Variants in DHRS2 observed in about 807,000 individuals in gnomAD.
DHRS2 encodes dehydrogenase/reductase SDR family member 2, mitochondrial.
A neutral mutation model predicts 26.3 loss-of-function variants in DHRS2; 29 were observed. The ratio of observed to expected loss-of-function variants is 1.10; its 90% confidence interval spans 0.82 to 1.50. DHRS2 has a LOEUF of 1.50. Among genes scored for constraint, DHRS2 ranks in the 40% most tolerant of loss-of-function variants. The pLI is 0.00. For synonymous variants in DHRS2, 164 were observed against 151.3 expected, an observed-to-expected ratio of 1.08 and a Z score of -0.62; for missense variants, 439 against 367.1, an observed-to-expected ratio of 1.20 and a Z score of -1.60.
chr14:23,641,676 GTGGTACCCACTTCTGACATC>G, intron 4 of DHRS2: 3 of 1,289,808 alleles, frequency 2.3e-6, no homozygotes, highest in Non-Finnish European at 3.0e-6. Flanking sequence ...GGACCTCAGG[GTGGTACCCACTTCTGACATC>G]TGGACCACTT....
intron 4 of DHRS2, 137 bp downstream of exon 4, chr14:23,640,032 C>T (rs1890573232): frequency 2.5e-6 from 2 of 815,294 alleles, no homozygotes; most frequent in Non-Finnish European, 1.7e-6. Context: ...GTAGTCCTGC[C>T]TGGCCAGCTG....
At chr14:23,638,068 C>T (rs1890426845) in intron 1 of DHRS2, 1 of 152,422 alleles carries the variant, frequency 6.6e-6, no homozygotes, top group East Asian at 1.9e-4. Context: ...CCTTTAAGAG[C>T]TGTAACACTC....
At chr14:23,639,736 C>T in intron 3 of DHRS2, 58 bp from the exon 4 acceptor site, 2 of 1,516,724 alleles carry the variant, frequency 1.3e-6, no homozygotes. Context: ...CTGGGCTGCC[C>T]TGGGAGGGAT....
At chr14:23,630,413 T>C (rs915551670) in intron 1 of DHRS2, among the ~76,000 whole-genome samples, 4 of 152,244 alleles carry the variant, frequency 2.6e-5, no homozygotes, top group African/African-American at 9.6e-5. Context: ...GCTCAGTCTA[T>C]TTCTTCTTTG....
upstream of DHRS2, among the ~76,000 whole-genome samples, chr14:23,636,174 CTG>C (rs1297596227): frequency 2.0e-5 from 3 of 152,138 alleles, no homozygotes; most frequent in Non-Finnish European, 2.9e-5. Flanking sequence ...AATCAGCACT[CTG>C]TGTCTAGCTA....
At chr14:23,639,555 C>T (rs1890537831) in intron 3 of DHRS2, among the ~76,000 whole-genome samples, 199 bp downstream of exon 3, 1 of 152,130 alleles carries the variant, frequency 6.6e-6, no homozygotes, top group Non-Finnish European at 1.5e-5. Context: ...CACCCCCAGG[C>T]CCGGGGAGAA....
At chr14:23,641,564 G>A in intron 4 of DHRS2, 1 of 1,270,096 alleles carries the variant, frequency 7.9e-7, no homozygotes, top group East Asian at 5.6e-5. Context: ...CACTCAGCCT[G>A]ATGCACATGG....
At chr14:23,644,750 C>T in intron 7 of DHRS2, 77 bp from the exon 8 acceptor site, 2 of 1,553,794 alleles carry the variant, frequency 1.3e-6, no homozygotes, top group South Asian at 1.1e-5. Context: ...CCTAGGTGTT[C>T]TGCCTGGTGG....
rs933216908 is a variant in DHRS2 at position 23,639,435 on chromosome 14, G to A, written c.318+79G>A. The A allele has an allele frequency of 5.5e-6, 8 of 1,463,502 alleles. No homozygotes were observed. The Admixed American group carries it at 1.6e-4, about 30-fold the overall frequency. 90.7% of individuals were successfully genotyped at this position (1,463,502 alleles called of 1,614,324 possible). On this transcript the variant is annotated intron_variant, in intron 3 of 8. Coordinates refer to ENST00000250383, the MANE Select transcript of DHRS2 (RefSeq NM_005794.4). ...CTTCACTGCTTGGCCCTTGTGGGGTGGGTCTAGAATATGTCCTGAGACCAT... is the reference window on the plus strand; with the variant it reads ...CTTCACTGCTTGGCCCTTGTGGGGTAGGTCTAGAATATGTCCTGAGACCAT...
At chr14:23,640,174 C>T (rs1291102370) in intron 4 of DHRS2, 4 of 836,532 alleles carry the variant, frequency 4.8e-6, no homozygotes, top group Non-Finnish European at 6.0e-6. Context: ...TTGCTGTCTG[C>T]CAGGCACCAC....
At chr14:23,641,691 G>A (rs1890678215) in intron 4 of DHRS2, 1 of 1,289,822 alleles carries the variant, frequency 7.8e-7, no homozygotes, top group South Asian at 1.2e-5. Flanking sequence ...ACCCACTTCT[G>A]ACATCTGGAC....
intron 4 of DHRS2, chr14:23,641,497 C>G (rs1200885707): frequency 1.2e-6 from 1 of 829,050 alleles, no homozygotes; most frequent in Non-Finnish European, 1.6e-6. Flanking sequence ...GGAGTCTCAC[C>G]TTTTCTTTGG....
rs1354084558 is a variant in DHRS2, at chr14:23,638,582, C to A, written c.-38-245C>A. On this transcript the variant is annotated intron_variant, in intron 1 of 8. Coordinates refer to ENST00000250383, the MANE Select transcript of DHRS2 (RefSeq NM_005794.4). ...GCTATGCAATGGATGGAAAAATCAC[C>A]CTTGTCTAATGAATGTTGAGTCTCA... 3 of 369,202 alleles carry A rather than the reference C, an allele frequency of 8.1e-6. No homozygotes were observed. In the South Asian group the frequency reaches 9.1e-5, roughly 11 times the overall value. The allele number at this position is 369,202 out of a possible 1,614,324, so 22.9% of individuals were successfully genotyped here.
rs1374983481 is a variant in DHRS2, at chr14:23,641,655, C to T, written c.421-1497C>T. 3 of 1,289,700 alleles carry T rather than the reference C, an allele frequency of 2.3e-6. No homozygotes were observed. The African/African-American group carries it at 4.6e-5, about 20-fold the overall frequency. The allele number at this position is 1,289,700 out of a possible 1,614,324, so 79.9% of individuals were successfully genotyped here. On this transcript the variant is annotated intron_variant, in intron 4 of 8. Transcript: ENST00000250383. ...TTACAGCTAACCTAATCCTCAATTC[C>T]TTCTTATTAGGGACCTCAGGGTGGT...
At chr14:23,644,797 C>A (rs146185533) in intron 7 of DHRS2, 30 bp from the exon 8 acceptor site, 1 of 1,613,252 alleles carries the variant, frequency 6.2e-7, no homozygotes, top group African/African-American at 1.3e-5. Flanking sequence ...TTTAGTAGCA[C>A]TGACTCCTTC....
chr14:23,640,005 G>A, intron 4 of DHRS2, 110 bp downstream of exon 4: 2 of 1,001,418 alleles, frequency 2.0e-6, no homozygotes, highest in Non-Finnish European at 1.3e-6. Context: ...GGTTATGGGA[G>A]AAGCAGGCCC....
At chr14:23,638,677 G>T in intron 1 of DHRS2, 150 bp from the exon 2 acceptor site, 1 of 707,134 alleles carries the variant, frequency 1.4e-6, no homozygotes, top group Non-Finnish European at 2.3e-6. Flanking sequence ...TTCCTGACCT[G>T]AGGTTCACAT....
At position 23,639,318 on chromosome 14, in the gene DHRS2, G is replaced by T. The variant is rs201771941; in HGVS notation, c.280G>T (p.Val94Leu). The T allele has an allele frequency of 2.0e-5, 31 of 1,589,152 alleles. No individual in the cohort carries two copies. Among genetic ancestry groups the T allele is most frequent in the Non-Finnish European group, 2.4e-5 (28 of 1,168,356 alleles). ...GAGTGTGGCGGGCATTGTGTGCCAC[G>T]TGGGGAAGGCTGAGGACCGGGAGCA... Reference protein sequence around the residue: ...GLSVAGIVCHVGKAEDREQLV... With the variant: ...GLSVAGIVCHLGKAEDREQLV... The change falls in exon 3 of 9, where the codon GTG (valine) becomes TTG (leucine). Residue 94 changes from valine (V) to leucine (L), a missense_variant. By Grantham distance (32) the Val-to-Leu change is conservative. Transcript: ENST00000250383.
At chr14:23,639,651 C>T in intron 3 of DHRS2, 143 bp from the exon 4 acceptor site, 1 of 953,288 alleles carries the variant, frequency 1.0e-6, no homozygotes, top group South Asian at 2.1e-5. Flanking sequence ...TGCCTGGCCC[C>T]AGGAGCCTGC....
Sources: allele counts gnomAD v4.1 joint callset (sites outside exome capture counted in the v4.1 genomes callset), GRCh38; gene constraint gnomAD v4.1.1; transcripts MANE v1.5; gene names NCBI Gene and HGNC (gene_info 2026-07-23, HGNC 2026-07-21).